The following STAB2 variants were observed in gnomAD, a reference collection of about 807,000 sequenced individuals.
STAB2 encodes the protein stabilin 2.
Under a neutral mutation model 338.1 loss-of-function variants are expected in STAB2, and 288 were observed. That is an observed-to-expected ratio of 0.85 (90% CI 0.77 to 0.94). The LOEUF (loss-of-function observed/expected upper bound fraction) is 0.94. Among genes scored for constraint, STAB2 ranks in the 40% least tolerant of loss-of-function variants. The pLI, the probability that STAB2 is intolerant of heterozygous loss-of-function variation, is 0.00. For synonymous variants in STAB2, 1,202 were observed against 1,193.3 expected, an observed-to-expected ratio of 1.01 and a Z score of -0.15; for missense variants, 3,141 against 3,210.1, an observed-to-expected ratio of 0.98 and a Z score of 0.52.
intron 45 of STAB2, 103 bp downstream of exon 45, chr12:103,725,197 C>G (rs982637792): frequency 4.7e-6 from 7 of 1,494,430 alleles, no homozygotes; most frequent in Non-Finnish European, 6.3e-6. Flanking sequence ...ATGTAAAGCG[C>G]TATAAAAATA....
chr12:103,587,969 C>T (rs747163764), intron 1 of STAB2, among the ~76,000 whole-genome samples: 2 of 152,188 alleles, frequency 1.3e-5, no homozygotes, highest in Non-Finnish European at 2.9e-5. Flanking sequence ...ACACAAGTAT[C>T]AGAAATATTT....
intron 56 of STAB2, among the ~76,000 whole-genome samples, chr12:103,744,387 A>G (rs1181902783): frequency 6.6e-6 from 1 of 151,656 alleles, no homozygotes; most frequent in African/African-American, 2.4e-5. Context: ...CCTGGCCTCA[A>G]GCAATCCTCC....
intron 25 of STAB2, among the ~76,000 whole-genome samples, chr12:103,682,182 G>C (rs981571818): frequency 6.6e-6 from 1 of 151,872 alleles, no homozygotes; most frequent in African/African-American, 2.4e-5. Context: ...AAAAGAGGGG[G>C]GTCTCTTTGT....
intron 61 of STAB2, among the ~76,000 whole-genome samples, chr12:103,754,016 C>G (rs555174549): frequency 1.3e-5 from 2 of 152,288 alleles, no homozygotes; most frequent in East Asian, 3.9e-4. Flanking sequence ...TTTGGAAAAG[C>G]TAGCAGGTTG....
chr12:103,663,158 A>G (rs888757683), intron 18 of STAB2, among the ~76,000 whole-genome samples, 160 bp downstream of exon 18: 1 of 152,238 alleles, frequency 6.6e-6, no homozygotes, highest in Non-Finnish European at 1.5e-5. Flanking sequence ...GTGGATCTGA[A>G]GTCCCACCTC....
At chr12:103,651,325 T>TG in intron 11 of STAB2, among the ~76,000 whole-genome samples, 1 of 151,044 alleles carries the variant, frequency 6.6e-6, no homozygotes. Flanking sequence ...TTTTTTTTTT[T>TG]TTTTTTGAGA....
At chr12:103,683,331 T>TAAAAAA in intron 26 of STAB2, 31 bp downstream of exon 26, 2 of 1,197,642 alleles carry the variant, frequency 1.7e-6, no homozygotes, top group Non-Finnish European at 2.3e-6. Context: ...TTTCATTACT[T>TAAAAAA]AAAAAAAAAA....
chr12:103,677,243 G>A (rs1192574791), intron 24 of STAB2, among the ~76,000 whole-genome samples: 1 of 152,246 alleles, frequency 6.6e-6, no homozygotes, highest in African/African-American at 2.4e-5. Context: ...ACACAGTGAT[G>A]TCAGTGGCCA....
At chr12:103,736,683 T>C (rs1882151124) in intron 52 of STAB2, among the ~76,000 whole-genome samples, 1 of 152,082 alleles carries the variant, frequency 6.6e-6, no homozygotes, top group Non-Finnish European at 1.5e-5. Context: ...TTACTCTATT[T>C]ACCTGGTGAA....
intron 23 of STAB2, 141 bp from the exon 24 acceptor site, chr12:103,675,787 C>G (rs1039164171): frequency 1.8e-5 from 11 of 600,634 alleles, no homozygotes; most frequent in Non-Finnish European, 2.9e-5. Context: ...AGTACCCCGA[C>G]CACATTTGAG....
At chr12:103,765,331 C>T (rs1884860242) in intron 68 of STAB2, among the ~76,000 whole-genome samples, 1 of 152,148 alleles carries the variant, frequency 6.6e-6, no homozygotes, top group African/African-American at 2.4e-5. Flanking sequence ...TCAGCTAAAC[C>T]TACTATTCAG....
Position 103,652,720 on chromosome 12 carries a change from G to A in STAB2, c.1407+15G>A. The stretch of plus-strand genomic sequence containing the variant: ...ACAGCGATAAGGTAAGGGTTCCTCT[G>A]ATTTTCACTCCCAGAACTAAATTAT... On this transcript the variant is annotated intron_variant, in intron 12 of 68. Coordinates refer to ENST00000388887, the MANE Select transcript of STAB2 (RefSeq NM_017564.10). The A allele has an allele frequency of 2.6e-6, 4 of 1,556,446 alleles. No individual in the cohort carries two copies. The highest frequency in any genetic ancestry group is 3.5e-6 in the Non-Finnish European group (4 of 1,152,060).
intron 44 of STAB2, among the ~76,000 whole-genome samples, chr12:103,719,685 T>C (rs942339495): frequency 2.6e-5 from 4 of 152,262 alleles, no homozygotes; most frequent in African/African-American, 9.6e-5. Flanking sequence ...GATGATGTTA[T>C]CTGGAGATCC....
intron 9 of STAB2, among the ~76,000 whole-genome samples, chr12:103,647,498 T>C (rs573915657): frequency 6.6e-6 from 1 of 152,334 alleles, no homozygotes; most frequent in South Asian, 2.1e-4. Context: ...GGTTCCTGGC[T>C]CATCTCCAAG....
chr12:103,702,213 T>G (rs1309880928), intron 34 of STAB2, among the ~76,000 whole-genome samples: 1 of 151,970 alleles, frequency 6.6e-6, no homozygotes, highest in African/African-American at 2.4e-5. Context: ...GATACAGACT[T>G]CATACCCATG....
chr12:103,643,886 C>T (rs1206085523), intron 9 of STAB2, among the ~76,000 whole-genome samples: 1 of 140,678 alleles, frequency 7.1e-6, no homozygotes, highest in East Asian at 2.1e-4. Flanking sequence ...AGGGGCGCCT[C>T]TGCCCGGCCG....
intron 54 of STAB2, 141 bp from the exon 55 acceptor site, chr12:103,740,489 G>A: frequency 8.9e-7 from 1 of 1,118,624 alleles, no homozygotes; most frequent in Non-Finnish European, 1.2e-6. Flanking sequence ...TATCACCTTG[G>A]AAAAAAAAAG....
At chr12:103,690,184 T>C (rs1877801350) in intron 29 of STAB2, among the ~76,000 whole-genome samples, 1 of 152,220 alleles carries the variant, frequency 6.6e-6, no homozygotes. Flanking sequence ...CTTTTACATA[T>C]AACCCAGTTA....
At chr12:103,763,271 G>A (rs370223907) in intron 67 of STAB2, 9 of 557,756 alleles carry the variant, frequency 1.6e-5, no homozygotes, top group South Asian at 4.2e-5. Flanking sequence ...CCTATGTGCC[G>A]ATTTGGTGGT....
Sources: allele counts gnomAD v4.1 joint callset (sites outside exome capture counted in the v4.1 genomes callset), GRCh38; gene constraint gnomAD v4.1.1; transcripts MANE v1.5; gene names NCBI Gene and HGNC (gene_info 2026-07-23, HGNC 2026-07-21).